RNF150: variants seen among roughly 807,000 people sequenced by gnomAD.
The protein encoded by RNF150 is ring finger protein 150.
RNF150 carries 24 observed loss-of-function variants against 39.3 expected under a neutral mutation model. That is an observed-to-expected ratio of 0.61 (90% CI 0.44 to 0.86). The LOEUF (loss-of-function observed/expected upper bound fraction) is 0.86. Ranked by LOEUF, RNF150 falls within the 40% of genes least tolerant of loss-of-function variation. The pLI is 0.00. For synonymous variants in RNF150, 255 were observed against 227.3 expected (o/e 1.12, Z -1.10); for missense variants, 502 against 587.8 (o/e 0.85, Z 1.51).
rs571429120 is a variant in RNF150 at position 141,103,560 on chromosome 4, C to T, written c.484+28765G>A. 6.6e-5 allele frequency among the ~76,000 whole-genome samples: 10 copies of T among 152,226 alleles called. No individual in the cohort carries two copies. In the East Asian group the frequency reaches 1.2e-3, roughly 18 times the overall value. On this transcript the variant is annotated intron_variant, in intron 1 of 6. Coordinates refer to ENST00000515673, the MANE Select transcript of RNF150 (RefSeq NM_020724.2). The stretch of plus-strand genomic sequence containing the variant: ...TCATGGATCACTGGGATATTATTAT[C>T]TAAGACTGTAGTTTTTAAATCCATC...
chr4:141,126,395 C>T (rs1485489278), intron 1 of RNF150, among the ~76,000 whole-genome samples: 1 of 152,172 alleles, frequency 6.6e-6, no homozygotes, highest in African/African-American at 2.4e-5. Flanking sequence ...AGAAAGCTTA[C>T]CCTTTCAAGA....
At chr4:141,069,899 G>A (rs1578692895) in intron 1 of RNF150, among the ~76,000 whole-genome samples, 1 of 152,144 alleles carries the variant, frequency 6.6e-6, no homozygotes, top group African/African-American at 2.4e-5. Context: ...GGGATCGGTG[G>A]TGATATCCCC....
intron 1 of RNF150, among the ~76,000 whole-genome samples, chr4:141,118,032 C>T (rs1443841187): frequency 6.6e-6 from 1 of 152,136 alleles, no homozygotes; most frequent in Non-Finnish European, 1.5e-5. Context: ...TTAGAATTGC[C>T]AATCTGTCCC....
intron 1 of RNF150, among the ~76,000 whole-genome samples, chr4:141,047,601 C>T (rs1398786453): frequency 6.6e-6 from 1 of 152,036 alleles, no homozygotes; most frequent in African/African-American, 2.4e-5. Context: ...TCCACAAACA[C>T]AAAAATCCTA....
intron 1 of RNF150, among the ~76,000 whole-genome samples, chr4:141,165,134 C>G (rs1187351969): frequency 6.6e-6 from 1 of 152,084 alleles, no homozygotes; most frequent in Non-Finnish European, 1.5e-5. Context: ...CAAAAAACAG[C>G]AGGGGTTGCA....
chr4:141,013,569 G>A (rs1441865235), intron 1 of RNF150, among the ~76,000 whole-genome samples: 1 of 152,094 alleles, frequency 6.6e-6, no homozygotes, highest in Non-Finnish European at 1.5e-5. Context: ...AAATTTCTCT[G>A]TATCTTCAAA....
intron 1 of RNF150, among the ~76,000 whole-genome samples, chr4:141,118,693 G>A (rs912146451): frequency 6.6e-6 from 1 of 152,122 alleles, no homozygotes; most frequent in Non-Finnish European, 1.5e-5. Flanking sequence ...CATTTCAGTT[G>A]CTAAATCAAA....
chr4:141,086,060 AC>A (rs1738352447), intron 1 of RNF150, among the ~76,000 whole-genome samples: 1 of 151,374 alleles, frequency 6.6e-6, no homozygotes, highest in Non-Finnish European at 1.5e-5. Context: ...ACACACACAC[AC>A]ACACACACCC....
chr4:140,961,697 C>G (rs1733029895), intron 2 of RNF150, among the ~76,000 whole-genome samples: 1 of 152,198 alleles, frequency 6.6e-6, no homozygotes, highest in African/African-American at 2.4e-5. Flanking sequence ...TCCATTTGAT[C>G]AGGAAGGAGT....
At chr4:141,120,898 G>A (rs1459168525) in intron 1 of RNF150, among the ~76,000 whole-genome samples, 1 of 152,170 alleles carries the variant, frequency 6.6e-6, no homozygotes, top group Non-Finnish European at 1.5e-5. Context: ...TCTGTTTGCT[G>A]TATGGGCAGC....
intron 2 of RNF150, among the ~76,000 whole-genome samples, chr4:140,966,942 T>G (rs564330134): frequency 1.3e-5 from 2 of 152,276 alleles, no homozygotes; most frequent in Non-Finnish European, 2.9e-5. Context: ...ACGTGACACA[T>G]ACAGACAATG....
Position 140,990,260 on chromosome 4 carries a change from G to A in RNF150, c.485-22387C>T, listed in dbSNP as rs1034629808. Among the ~76,000 whole-genome samples, 48 of 152,062 alleles carry A rather than the reference G, an allele frequency of 3.2e-4. 2 individuals are homozygous for A. The highest frequency in any genetic ancestry group is 5.2e-4 in the Admixed American group (8 of 15,254). ...CCTAATGGTTTCCCTTTGCTTATTC[G>A]AGAAATTACCATTATTTTCTCTTTC... On this transcript the variant is annotated intron_variant, in intron 1 of 6. Transcript: ENST00000515673.
At chr4:141,053,906 A>G (rs1207315144) in intron 1 of RNF150, among the ~76,000 whole-genome samples, 1 of 152,170 alleles carries the variant, frequency 6.6e-6, no homozygotes, top group Non-Finnish European at 1.5e-5. Context: ...CAACTCTGCA[A>G]GCACCTGATC....
At chr4:141,018,300 T>A (rs1480056356) in intron 1 of RNF150, among the ~76,000 whole-genome samples, 2 of 152,146 alleles carry the variant, frequency 1.3e-5, no homozygotes, top group African/African-American at 4.8e-5. Flanking sequence ...GCATGAACCC[T>A]CACCACACTC....
intron 1 of RNF150, among the ~76,000 whole-genome samples, chr4:141,110,169 G>A (rs569256700): frequency 6.6e-6 from 1 of 152,288 alleles, no homozygotes; most frequent in South Asian, 2.1e-4. Flanking sequence ...GGGGAACACT[G>A]CCTCAGCCTC....
At chr4:140,960,333 G>T (rs1317314731) in intron 2 of RNF150, among the ~76,000 whole-genome samples, 2 of 152,070 alleles carry the variant, frequency 1.3e-5, no homozygotes, top group Admixed American at 1.3e-4. Flanking sequence ...CTATATTTTG[G>T]TCTTCATTCC....
At chr4:141,124,433 G>A (rs1331543496) in intron 1 of RNF150, among the ~76,000 whole-genome samples, 1 of 152,216 alleles carries the variant, frequency 6.6e-6, no homozygotes, top group African/African-American at 2.4e-5. Flanking sequence ...GAACTGAAGA[G>A]GCAGCCAGCT....
chr4:141,067,126 T>C (rs534708302), intron 1 of RNF150, among the ~76,000 whole-genome samples: 1 of 152,336 alleles, frequency 6.6e-6, no homozygotes, highest in East Asian at 1.9e-4. Flanking sequence ...ATTACCAAAA[T>C]GTTATATGGC....
intron 1 of RNF150, among the ~76,000 whole-genome samples, chr4:141,001,020 C>T (rs918521298): frequency 2.0e-5 from 3 of 152,060 alleles, no homozygotes; most frequent in East Asian, 1.9e-4. Context: ...AACAAATCAG[C>T]GTAATTTTAC....
Sources: allele counts gnomAD v4.1 joint callset (sites outside exome capture counted in the v4.1 genomes callset), GRCh38; gene constraint gnomAD v4.1.1; transcripts MANE v1.5; gene names NCBI Gene and HGNC (gene_info 2026-07-23, HGNC 2026-07-21).